Variants in EFCAB7 observed in about 807,000 individuals in gnomAD.
The protein encoded by EFCAB7 is EF-hand calcium-binding domain-containing protein 7.
In EFCAB7, 66 loss-of-function variants were observed where a neutral mutation model predicts 77.1. The observed-to-expected ratio is 0.86, with a 90% CI of 0.70 to 1.05. EFCAB7 has a LOEUF of 1.05. Ranked by LOEUF, EFCAB7 falls within the 50% of genes least tolerant of loss-of-function variation. The probability of loss-of-function intolerance (pLI) is 0.00; values close to 1 mark genes in which losing one functional copy is unlikely to be tolerated. For synonymous variants in EFCAB7, 225 were observed against 243.3 expected (o/e 0.92, Z 0.70); for missense variants, 638 against 730.5 (o/e 0.87, Z 1.46).
the EFCAB7 span, among the ~76,000 whole-genome samples, chr1:63,578,966 C>G: frequency 5.3e-5 from 8 of 151,962 alleles, no homozygotes; most frequent in Admixed American, 1.3e-4. Context: ...TTTTCTCAGC[C>G]CAGAAGAAAC....
At chr1:63,561,046 A>G (rs2100918485) in intron 10 of EFCAB7, among the ~76,000 whole-genome samples, 1 of 152,360 alleles carries the variant, frequency 6.6e-6, no homozygotes, top group South Asian at 2.1e-4. Flanking sequence ...TTACAGACAA[A>G]TTCAGGAATT....
intron 12 of EFCAB7, chr1:63,570,586 G>A (rs1647230725): frequency 6.5e-6 from 1 of 152,700 alleles, no homozygotes; most frequent in Non-Finnish European, 1.5e-5. Context: ...ATACAAAGTT[G>A]ATAATAAATA....
At chr1:63,571,603 G>A (rs1426729978) in intron 13 of EFCAB7, among the ~76,000 whole-genome samples, 1 of 148,006 alleles carries the variant, frequency 6.8e-6, no homozygotes, top group African/African-American at 2.5e-5. Flanking sequence ...CTGGGAGGTG[G>A]AGGTTGCAGT....
chr1:63,528,822 G>A (rs1646643472), intron 2 of EFCAB7, among the ~76,000 whole-genome samples: 2 of 152,064 alleles, frequency 1.3e-5, no homozygotes, highest in South Asian at 2.1e-4. Flanking sequence ...GTGTAAATGT[G>A]TTCTGTATAT....
intron 13 of EFCAB7, 32 bp downstream of exon 13, chr1:63,571,160 G>C (rs747592464): frequency 3.3e-6 from 5 of 1,514,130 alleles, no homozygotes; most frequent in Non-Finnish European, 4.5e-6. Context: ...AAAGCCTTTT[G>C]TTTTATGTCT....
At chr1:63,560,512 C>CTTTTT (rs11347600) in intron 10 of EFCAB7, among the ~76,000 whole-genome samples, 1 of 77,422 alleles carries the variant, frequency 1.3e-5, no homozygotes, top group Non-Finnish European at 2.3e-5. Flanking sequence ...AAACTCTTAA[C>CTTTTT]TTTTTTTTTT....
chr1:63,554,009 G>T (rs765440081), intron 8 of EFCAB7, among the ~76,000 whole-genome samples: 6 of 152,062 alleles, frequency 3.9e-5, no homozygotes, highest in Non-Finnish European at 8.8e-5. Flanking sequence ...TATTTTTAGA[G>T]ATAGGATCTC....
chr1:63,575,386 TA>T (rs66809594), downstream of EFCAB7, among the ~76,000 whole-genome samples: 2,966 of 152,250 alleles, frequency 0.019, 91 homozygotes, highest in African/African-American at 0.068. Flanking sequence ...TATTATATAC[TA>T]CACTAATATT....
At chr1:63,572,337 C>T (rs1197032917) in intron 13 of EFCAB7, 105 bp from the exon 14 acceptor site, 6 of 846,258 alleles carry the variant, frequency 7.1e-6, no homozygotes, top group South Asian at 1.7e-5. Context: ...TTTATCTGTA[C>T]AGGGATATTC....
chr1:63,583,041 C>G, the EFCAB7 span, among the ~76,000 whole-genome samples: 1 of 152,004 alleles, frequency 6.6e-6, no homozygotes, highest in Admixed American at 6.5e-5. Context: ...AAAGAAGGAT[C>G]AGATGAGTTC....
intron 10 of EFCAB7, among the ~76,000 whole-genome samples, chr1:63,557,614 T>C (rs1458442142): frequency 1.3e-5 from 2 of 152,168 alleles, no homozygotes; most frequent in African/African-American, 4.8e-5. Flanking sequence ...AAGCTAGAGT[T>C]TTACTCACAA....
In EFCAB7 at chr1:63,533,536, G is replaced by C. The variant is rs372824134; in HGVS notation, c.569G>C (p.Arg190Pro). 1.9e-6 allele frequency: 3 copies of C among 1,613,040 alleles called. No homozygotes were observed. Among genetic ancestry groups the C allele is most frequent in the Non-Finnish European group, 2.5e-6 (3 of 1,179,444 alleles). ...EKLEVDSKLM[R>P]HQFGNHIEGS... ...CTAGAGGTTGACAGTAAATTGATGC[G>C]TCACCAGTTTGGAAACCACATCGAA... The change falls in exon 5 of 14, where the codon CGT (arginine) becomes CCT (proline). Residue 190 changes from arginine to proline, a missense_variant. Physicochemically the swap from Arg to Pro is moderately radical, Grantham distance 103 (BLOSUM62 -2). Coordinates refer to ENST00000371088, the MANE Select transcript of EFCAB7 (RefSeq NM_032437.4).
the EFCAB7 span, among the ~76,000 whole-genome samples, chr1:63,579,140 C>T: frequency 6.6e-6 from 1 of 152,016 alleles, no homozygotes; most frequent in African/African-American, 2.4e-5. Flanking sequence ...ATTCATATAA[C>T]CACCACCACA....
chr1:63,579,147 C>T, the EFCAB7 span, among the ~76,000 whole-genome samples: 1 of 152,056 alleles, frequency 6.6e-6, no homozygotes, highest in Admixed American at 6.6e-5. Context: ...TAACCACCAC[C>T]ACAATCAGGA....
downstream of EFCAB7, among the ~76,000 whole-genome samples, chr1:63,576,144 G>A (rs560830892): frequency 9.8e-5 from 15 of 152,298 alleles, no homozygotes; most frequent in African/African-American, 3.6e-4. Context: ...TTCATGTGGT[G>A]AGGTAATGTG....
intron 6 of EFCAB7, among the ~76,000 whole-genome samples, chr1:63,536,391 A>AT (rs1040196519): frequency 2.6e-5 from 4 of 151,350 alleles, no homozygotes; most frequent in African/African-American, 7.3e-5. Context: ...TTATTTATGC[A>AT]TTTTTTTTAA....
At chr1:63,532,248 C>T (rs2100872541) in intron 3 of EFCAB7, among the ~76,000 whole-genome samples, 1 of 152,172 alleles carries the variant, frequency 6.6e-6, no homozygotes, top group Admixed American at 6.5e-5. Flanking sequence ...TTACCATCCC[C>T]TTGTTCTCCT....
downstream of EFCAB7, among the ~76,000 whole-genome samples, chr1:63,573,680 T>G (rs533468954): frequency 6.6e-6 from 1 of 152,088 alleles, no homozygotes; most frequent in Admixed American, 6.5e-5. Context: ...GACAAGTTTT[T>G]TGGGGCACAG....
chr1:63,565,001 G>C (rs1647152965), intron 11 of EFCAB7, among the ~76,000 whole-genome samples: 1 of 152,204 alleles, frequency 6.6e-6, no homozygotes, highest in African/African-American at 2.4e-5. Context: ...GGGATAACTG[G>C]CTAGCCATAT....
Sources: gnomAD v4.1 joint callset for allele counts (sites outside exome capture counted in the v4.1 genomes callset) on GRCh38, gnomAD v4.1.1 for gene constraint, MANE v1.5 for transcripts, NCBI Gene and HGNC (gene_info 2026-07-23, HGNC 2026-07-21) for gene names.